Variants in TRIB3 observed in about 807,000 individuals in gnomAD.
TRIB3 encodes the protein tribbles pseudokinase 3.
A neutral mutation model predicts 16.6 loss-of-function variants in TRIB3; 20 were observed. The observed-to-expected ratio is 1.20, with a 90% CI of 0.85 to 1.75. TRIB3 has a LOEUF of 1.75. Among genes scored for constraint, TRIB3 ranks in the 40% most tolerant of loss-of-function variants. The pLI, the probability that TRIB3 is intolerant of heterozygous loss-of-function variation, is 0.00. For missense variants in TRIB3, 484 were observed against 488.9 expected (o/e 0.99, Z 0.10); for synonymous variants, 208 against 217.0 (o/e 0.96, Z 0.36).
In TRIB3 at chr20:396,853, C is replaced by A; in HGVS notation, c.*163C>A. 9.1e-7 allele frequency: 1 copy of A among 1,096,370 alleles called. No individual in the cohort carries two copies. Among genetic ancestry groups the A allele is most frequent in the Non-Finnish European group, 1.3e-6 (1 of 789,228 alleles). 67.9% of individuals were successfully genotyped at this position (1,096,370 alleles called of 1,614,324 possible). On this transcript the variant is annotated 3_prime_UTR_variant, in exon 4 of 4. Transcript: ENST00000217233. ...CTGTGTACACATCTGCTTTGTTCCA[C>A]ACACATGCAGTTCCTGCTTGGGTGC... is the stretch of plus-strand genomic sequence containing the variant.
In TRIB3 at chr20:388,170, A is replaced by G. The variant is rs1249007874; in HGVS notation, c.160A>G (p.Thr54Ala). 2 of 1,613,822 alleles carry G rather than the reference A, an allele frequency of 1.2e-6. No homozygotes were observed. The highest frequency in any genetic ancestry group is 8.5e-7 in the Non-Finnish European group (1 of 1,180,012). The change falls in exon 2 of 4, where the codon ACT becomes GCT. Residue 54 changes from threonine (T) to alanine (A), a missense_variant. Thr to Ala is a moderately conservative substitution (Grantham distance 58). Transcript: ENST00000217233. ...CTGCCTGTTGCCCCTGAGCCCACCT[A>G]CTGCTCCAGATCGTGCAACTGCTGT... ...PPCLLPLSPPTAPDRATAVAT... is the reference protein window; with the variant it reads ...PPCLLPLSPPAAPDRATAVAT...
At chr20:389,773 G>T (rs151104117) in intron 2 of TRIB3, among the ~76,000 whole-genome samples, 3 of 152,298 alleles carry the variant, frequency 2.0e-5, no homozygotes, top group Non-Finnish European at 2.9e-5. Flanking sequence ...AAAATCCACT[G>T]GAACATACTC....
In TRIB3 at chr20:391,437, G is replaced by C; in HGVS notation, c.442G>C (p.Val148Leu). 2 of 1,613,922 alleles carry C rather than the reference G, an allele frequency of 1.2e-6. No homozygotes were observed. The highest frequency in any genetic ancestry group is 1.7e-4 in the Middle Eastern group (1 of 6,058). Reference protein sequence around the residue: ...TRTHGDMHSLVRSRHRIPEPE... With the variant: ...TRTHGDMHSLLRSRHRIPEPE... ...GACCCATGGGGACATGCACAGCCTGGTGCGAAGCCGCCACCGTATCCCTGA... is the reference window on the plus strand; with the variant it reads ...GACCCATGGGGACATGCACAGCCTGCTGCGAAGCCGCCACCGTATCCCTGA... The change falls in exon 3 of 4, where the codon GTG (valine) becomes CTG (leucine). Residue 148 changes from valine (V) to leucine (L), a missense_variant. Coordinates refer to ENST00000217233, the MANE Select transcript of TRIB3 (RefSeq NM_021158.5).
chr20:391,184 C>T, intron 2 of TRIB3, 103 bp from the exon 3 acceptor site: 6 of 1,306,694 alleles, frequency 4.6e-6, no homozygotes, highest in Non-Finnish European at 6.4e-6. Context: ...TGGTGCGATG[C>T]CTAGCACATG....
chr20:385,030 C>G (rs951046076), intron 1 of TRIB3, among the ~76,000 whole-genome samples: 1 of 152,232 alleles, frequency 6.6e-6, no homozygotes, highest in African/African-American at 2.4e-5. Context: ...AGACCTGAAA[C>G]TGGGGACCAC....
chr20:384,284 A>G (rs1388451039), intron 1 of TRIB3, among the ~76,000 whole-genome samples: 2 of 152,076 alleles, frequency 1.3e-5, no homozygotes, highest in African/African-American at 4.8e-5. Context: ...TCCAAATCCT[A>G]TTGTGTGTTA....
At chr20:383,358 TAC>T (rs1211508343) in intron 1 of TRIB3, among the ~76,000 whole-genome samples, 1 of 152,190 alleles carries the variant, frequency 6.6e-6, no homozygotes, top group Non-Finnish European at 1.5e-5. Context: ...TTTGCATGCT[TAC>T]ACACACACAC....
chr20:391,441 G>C lies in TRIB3; in HGVS notation c.446G>C (p.Arg149Pro). Residue 149 changes from arginine to proline, a missense_variant, in exon 3 of 4, where the codon CGA (arginine) becomes CCA (proline). Physicochemically the swap from Arg to Pro is moderately radical, Grantham distance 103. Coordinates refer to ENST00000217233, the MANE Select transcript of TRIB3 (RefSeq NM_021158.5). ...CATGGGGACATGCACAGCCTGGTGC[G>C]AAGCCGCCACCGTATCCCTGAGCCT... ...RTHGDMHSLV[R>P]SRHRIPEPEA... 1.2e-6 allele frequency: 2 copies of C among 1,613,882 alleles called. No individual in the cohort carries two copies. The highest frequency in any genetic ancestry group is 1.7e-6 in the Non-Finnish European group (2 of 1,179,986).
intron 2 of TRIB3, 107 bp downstream of exon 2, chr20:388,408 T>G: frequency 7.3e-7 from 1 of 1,373,426 alleles, no homozygotes; most frequent in Non-Finnish European, 9.7e-7. Flanking sequence ...TTCATTCTTG[T>G]GTTTGTTTAG....
chr20:392,313 A>G (rs952788885), intron 3 of TRIB3, among the ~76,000 whole-genome samples: 1 of 152,100 alleles, frequency 6.6e-6, no homozygotes, highest in Non-Finnish European at 1.5e-5. Flanking sequence ...TCTTAATTCA[A>G]TCTGAGCTTG....
chr20:397,191 C>CCA lies in TRIB3; in HGVS notation c.*502_*503insAC. On this transcript the variant is annotated 3_prime_UTR_variant, in exon 4 of 4. Transcript: ENST00000217233. ...CAGGCCTCTCCCCTGCAACTCAGGA[C>CCA]CCAAGCCCAGCTCACTCTGGGAACT... is the stretch of plus-strand genomic sequence containing the variant. 1 of 155,136 alleles carries CCA rather than the reference C, an allele frequency of 6.4e-6. No homozygotes were observed. 9.6% of individuals were successfully genotyped at this position (155,136 alleles called of 1,614,324 possible).
intron 1 of TRIB3, among the ~76,000 whole-genome samples, chr20:386,648 C>T (rs2014818897): frequency 6.6e-6 from 1 of 151,982 alleles, no homozygotes; most frequent in Non-Finnish European, 1.5e-5. Context: ...TCTCAGCTCA[C>T]TGCAACCTCC....
intron 1 of TRIB3, among the ~76,000 whole-genome samples, chr20:386,395 T>C (rs1231028760): frequency 6.6e-6 from 1 of 152,180 alleles, no homozygotes; most frequent in East Asian, 1.9e-4. Context: ...TTTCCTTAAA[T>C]GTACATTTCT....
intron 2 of TRIB3, among the ~76,000 whole-genome samples, chr20:389,801 C>T (rs1029007611): frequency 1.3e-5 from 2 of 152,236 alleles, no homozygotes; most frequent in African/African-American, 2.4e-5. Context: ...TGCCAATGTG[C>T]ACCATGGGTG....
At chr20:382,130 T>TGCGC (rs907553634) in intron 1 of TRIB3, among the ~76,000 whole-genome samples, 5 of 135,098 alleles carry the variant, frequency 3.7e-5, no homozygotes, top group Admixed American at 3.7e-4. Context: ...TGTGTGTGCG[T>TGCGC]GCGCGCGCGC....
chr20:381,709 A>AGGG (rs1337780070), intron 1 of TRIB3, among the ~76,000 whole-genome samples: 1 of 150,874 alleles, frequency 6.6e-6, no homozygotes, highest in African/African-American at 2.4e-5. Flanking sequence ...TTGGCGGTGC[A>AGGG]GGGGACACCG....
rs139447354 is a variant in TRIB3, at chr20:396,520, C to T, written c.907C>T (p.Arg303Trp). The T allele has an allele frequency of 1.7e-5, 27 of 1,613,020 alleles. No homozygotes were observed. In the African/African-American group the frequency reaches 1.7e-4, roughly 10 times the overall value. ...CCTCCTTCGTCGGGAGCCAGCTGAA[C>T]GGCTCACAGCCACAGGCATCCTCCT... is the stretch of plus-strand genomic sequence containing the variant. ...RCLLRREPAE[R>W]LTATGILLHP... Residue 303 changes from arginine to tryptophan, a missense_variant, in exon 4 of 4, where the codon CGG (arginine) becomes TGG (tryptophan). Arg to Trp is a moderately radical substitution (Grantham distance 101). Transcript: ENST00000217233.
chr20:387,132 T>C (rs2014839056), intron 1 of TRIB3, among the ~76,000 whole-genome samples: 1 of 152,048 alleles, frequency 6.6e-6, no homozygotes, highest in Non-Finnish European at 1.5e-5. Flanking sequence ...TCCTAACACT[T>C]TGGGAGGCTG....
Position 380,779 on chromosome 20 carries a change from G to GC in TRIB3, c.-390dup, listed in dbSNP as rs1293335857. 1.3e-5 allele frequency: 2 copies of GC among 152,276 alleles called. No individual in the cohort carries two copies. Among genetic ancestry groups the GC allele is most frequent in the African/African-American group, 4.8e-5 (2 of 41,368 alleles). 9.4% of individuals were successfully genotyped at this position (152,276 alleles called of 1,614,324 possible). On this transcript the variant is annotated 5_prime_UTR_variant, in exon 1 of 4. Transcript: ENST00000217233. ...CTGACCAGACGCCCCTAGGGGGCCAGCGAGGGCGGGTCCCAGGTGCAGCGG... is the reference window on the plus strand; with the variant it reads ...CTGACCAGACGCCCCTAGGGGGCCAGCCGAGGGCGGGTCCCAGGTGCAGCGG...
Sources: allele counts gnomAD v4.1 joint callset (sites outside exome capture counted in the v4.1 genomes callset), GRCh38; gene constraint gnomAD v4.1.1; transcripts MANE v1.5; gene names NCBI Gene and HGNC (gene_info 2026-07-23, HGNC 2026-07-21).